ANKRD28: variants seen among roughly 807,000 people sequenced by gnomAD.
ANKRD28 encodes the protein serine/threonine-protein phosphatase 6 regulatory ankyrin repeat subunit A.
In ANKRD28, 44 loss-of-function variants were observed where a neutral mutation model predicts 126.5. That is an observed-to-expected ratio of 0.35 (90% CI 0.27 to 0.45). The LOEUF (loss-of-function observed/expected upper bound fraction) is 0.45. ANKRD28 is among the 20% of genes least tolerant of loss of function. The probability of loss-of-function intolerance (pLI) is 1.00; values close to 1 mark genes in which losing one functional copy is unlikely to be tolerated. For missense variants in ANKRD28, 1,110 were observed against 1,316.6 expected (o/e 0.84, Z 2.43); for synonymous variants, 442 against 468.5 (o/e 0.94, Z 0.73).
intron 6 of ANKRD28, among the ~76,000 whole-genome samples, chr3:15,727,587 A>AAAAG (rs1185467395): frequency 0.024 from 2,605 of 109,250 alleles, 252 homozygotes; most frequent in Middle Eastern, 0.049. Context: ...AAAAAAAAAA[A>AAAAG]AAAGAAAGAA....
At chr3:15,695,078 C>T in intron 16 of ANKRD28, 110 bp downstream of exon 16, 1 of 907,530 alleles carries the variant, frequency 1.1e-6, no homozygotes, top group Non-Finnish European at 1.8e-6. Flanking sequence ...CGTCTTTGTG[C>T]CTAATATGTA....
intron 1 of ANKRD28, among the ~76,000 whole-genome samples, chr3:15,820,496 CA>C (rs1186620679): frequency 1.3e-5 from 2 of 152,106 alleles, no homozygotes; most frequent in Non-Finnish European, 2.9e-5. Context: ...TAAATACATT[CA>C]TTTTTTAAAA....
At chr3:15,736,095 C>T (rs1402282927) in intron 5 of ANKRD28, among the ~76,000 whole-genome samples, 1 of 152,210 alleles carries the variant, frequency 6.6e-6, no homozygotes, top group Non-Finnish European at 1.5e-5. Context: ...GTACAGTAGT[C>T]TCCCCTTATC....
intron 3 of ANKRD28, among the ~76,000 whole-genome samples, chr3:15,759,597 A>G (rs2058348551): frequency 6.6e-6 from 1 of 152,218 alleles, no homozygotes; most frequent in Non-Finnish European, 1.5e-5. Flanking sequence ...CTGCAAGTTA[A>G]AGAAAGTGAG....
chr3:15,753,837 C>G (rs1296170134), intron 3 of ANKRD28, among the ~76,000 whole-genome samples: 1 of 152,016 alleles, frequency 6.6e-6, no homozygotes, highest in Non-Finnish European at 1.5e-5. Context: ...AGTCTAATTA[C>G]TCAGAGGCTG....
At chr3:15,819,896 T>G (rs1485629090) in intron 1 of ANKRD28, among the ~76,000 whole-genome samples, 1 of 152,142 alleles carries the variant, frequency 6.6e-6, no homozygotes, top group Non-Finnish European at 1.5e-5. Flanking sequence ...GAACCAATCA[T>G]AGGGCATGGT....
At chr3:15,749,828 A>G (rs961158938) in intron 4 of ANKRD28, among the ~76,000 whole-genome samples, 2 of 152,196 alleles carry the variant, frequency 1.3e-5, no homozygotes, top group Non-Finnish European at 2.9e-5. Context: ...GAATGTCTGT[A>G]AAGAGTCCTG....
rs999385611 is a variant in ANKRD28 at position 15,833,987 on chromosome 3, T to A, written c.27+25390A>T. Among the ~76,000 whole-genome samples, 2 of 152,320 alleles carry A rather than the reference T, an allele frequency of 1.3e-5. No homozygotes were observed. The highest frequency in any genetic ancestry group is 3.9e-4 in the East Asian group (2 of 5,186). On this transcript the variant is annotated intron_variant, in intron 1 of 27. Transcript: ENST00000399451. The surrounding 1 kb of genome is among the most constrained non-coding windows in gnomAD (Gnocchi z 4.4). ...TTCTGGATATTAGCCTTTTGTCAGA[T>A]GCAGTTTTCACATTTTGCACATATT... is the stretch of plus-strand genomic sequence containing the variant.
At chr3:15,754,204 T>C (rs953700124) in intron 3 of ANKRD28, among the ~76,000 whole-genome samples, 2 of 152,204 alleles carry the variant, frequency 1.3e-5, no homozygotes, top group Admixed American at 6.5e-5. Flanking sequence ...TTTAAATTGC[T>C]CACTGTTCTG....
In ANKRD28 at chr3:15,668,541, T is replaced by C. The variant is rs1036523890; in HGVS notation, c.*1729A>G. 6.6e-6 allele frequency: 1 copy of C among 152,488 alleles called. No individual in the cohort carries two copies. Among genetic ancestry groups the C allele is most frequent in the Non-Finnish European group, 1.5e-5 (1 of 68,000 alleles). The allele number at this position is 152,488 out of a possible 1,614,324, so 9.4% of individuals were successfully genotyped here. A position where few individuals can be genotyped will look rare whatever the true frequency, so the allele number is the denominator to read the frequency against. The stretch of plus-strand genomic sequence containing the variant: ...AGAAAAAATGCTTAAAATCTAGTAG[T>C]CAATGCCCTAGAAACTTTATAGATT... On this transcript the variant is annotated 3_prime_UTR_variant, in exon 28 of 28. Transcript: ENST00000683139.
chr3:15,821,119 C>T (rs1455151133), intron 1 of ANKRD28, among the ~76,000 whole-genome samples: 1 of 152,160 alleles, frequency 6.6e-6, no homozygotes, highest in Non-Finnish European at 1.5e-5. Context: ...ACTCATTCCC[C>T]TAAATTGTGA....
intron 3 of ANKRD28, chr3:15,756,564 A>T (rs1380609344): frequency 1.1e-6 from 1 of 950,506 alleles, no homozygotes; most frequent in Non-Finnish European, 1.3e-6. Flanking sequence ...GGGTTAGTGG[A>T]AGGAACACTG....
chr3:15,724,601 G>A, intron 6 of ANKRD28, 77 bp from the exon 7 acceptor site: 2 of 1,378,212 alleles, frequency 1.5e-6, no homozygotes, highest in Middle Eastern at 2.2e-4. Context: ...ATATCTTTAA[G>A]CAAATTTAAA....
intron 2 of ANKRD28, among the ~76,000 whole-genome samples, chr3:15,780,325 C>CA (rs1266650418): frequency 6.6e-6 from 1 of 150,930 alleles, no homozygotes; most frequent in Non-Finnish European, 1.5e-5. Context: ...ATAGCAACAA[C>CA]AAAAAAAAGT....
At chr3:15,823,448 G>T (rs886734291) in intron 1 of ANKRD28, among the ~76,000 whole-genome samples, 22 of 152,286 alleles carry the variant, frequency 1.4e-4, no homozygotes, top group African/African-American at 5.3e-4. Context: ...GGACTACATG[G>T]CTTTGCTGAT....
chr3:15,819,514 T>TA (rs2125907381), intron 1 of ANKRD28, among the ~76,000 whole-genome samples: 1 of 152,276 alleles, frequency 6.6e-6, no homozygotes, highest in East Asian at 1.9e-4. Context: ...TATATAGTCA[T>TA]AAAATCTCTA....
At position 15,668,470 on chromosome 3, in the gene ANKRD28, T is replaced by G. The variant is rs1023441838; in HGVS notation, c.*1800A>C. 1 of 152,428 alleles carries G rather than the reference T, an allele frequency of 6.6e-6. No individual in the cohort carries two copies. Among genetic ancestry groups the G allele is most frequent in the Non-Finnish European group, 1.5e-5 (1 of 67,996 alleles). 9.4% of individuals were successfully genotyped at this position (152,428 alleles called of 1,614,324 possible). ...GGTTCATTATGACTTCTTTATATTA[T>G]AAAGAAAAGATGGGGGATTAGATTT... is the stretch of plus-strand genomic sequence containing the variant. On this transcript the variant is annotated 3_prime_UTR_variant, in exon 28 of 28. Transcript: ENST00000683139.
rs1348726093 is a variant in ANKRD28, at chr3:15,853,327, T to C, written c.27+6050A>G. 1.3e-5 allele frequency among the ~76,000 whole-genome samples: 2 copies of C among 152,066 alleles called. No individual in the cohort carries two copies. On this transcript the variant is annotated intron_variant, in intron 1 of 27. Coordinates refer to the ANKRD28 transcript ENST00000399451. The surrounding 1 kb of genome is among the most constrained non-coding windows in gnomAD (Gnocchi z 4.2). ...ATGGGCATCTCACCCCAGTCCAGAA[T>C]GAGTACATTCACTGAATATAAATTT...
intron 10 of ANKRD28, 32 bp from the exon 11 acceptor site, chr3:15,712,254 T>C: frequency 6.7e-7 from 1 of 1,495,838 alleles, no homozygotes; most frequent in Non-Finnish European, 9.1e-7. Context: ...AGTATCTTCA[T>C]TTTAACACAA....
Sources: allele counts gnomAD v4.1 joint callset (sites outside exome capture counted in the v4.1 genomes callset), GRCh38; gene constraint gnomAD v4.1.1; non-coding constraint Gnocchi (gnomAD v3.1); transcripts MANE v1.5; gene names NCBI Gene and HGNC (gene_info 2026-07-23, HGNC 2026-07-21).